The following KCNT2 variants were observed in gnomAD, a reference collection of about 807,000 sequenced individuals.
KCNT2 encodes the protein potassium sodium-activated channel subfamily T member 2.
Under a neutral mutation model 153.8 loss-of-function variants are expected in KCNT2, and 67 were observed. That is an observed-to-expected ratio of 0.44 (90% CI 0.36 to 0.53). The LOEUF (loss-of-function observed/expected upper bound fraction) is 0.53. Ranked by LOEUF, KCNT2 falls within the 20% of genes least tolerant of loss-of-function variation. The probability of loss-of-function intolerance (pLI) is 0.00; values close to 1 mark genes in which losing one functional copy is unlikely to be tolerated. For synonymous variants in KCNT2, 500 were observed against 458.8 expected (o/e 1.09, Z -1.15); for missense variants, 975 against 1,354.8 (o/e 0.72, Z 4.40).
At chr1:196,351,466 A>G (rs910988910) in intron 14 of KCNT2, among the ~76,000 whole-genome samples, 47 of 150,540 alleles carry the variant, frequency 3.1e-4, no homozygotes, top group African/African-American at 1.1e-3. Context: ...CTTTGAAGCA[A>G]TTGTGAATGG....
At chr1:196,419,840 C>A (rs987496063) in intron 12 of KCNT2, among the ~76,000 whole-genome samples, 4 of 151,666 alleles carry the variant, frequency 2.6e-5, no homozygotes, top group Admixed American at 6.6e-5. Context: ...TTTCCTTTGG[C>A]TTCTTCTTTT....
At chr1:196,409,217 C>A (rs1425735429) in intron 12 of KCNT2, among the ~76,000 whole-genome samples, 1 of 151,114 alleles carries the variant, frequency 6.6e-6, no homozygotes, top group Non-Finnish European at 1.5e-5. Context: ...GTATCATTTT[C>A]ATCTTCTTAT....
chr1:196,484,719 G>C (rs573283368), intron 3 of KCNT2, among the ~76,000 whole-genome samples: 1 of 151,968 alleles, frequency 6.6e-6, no homozygotes, highest in Non-Finnish European at 1.5e-5. Flanking sequence ...ATAAGGAAGG[G>C]GTCCAGTTTC....
intron 26 of KCNT2, among the ~76,000 whole-genome samples, chr1:196,238,744 T>C (rs1463279558): frequency 2.6e-5 from 4 of 151,910 alleles, no homozygotes; most frequent in African/African-American, 4.8e-5. Flanking sequence ...GACGAGTTAA[T>C]GGGCGCAGCA....
chr1:196,444,916 T>C (rs1675557380), intron 8 of KCNT2, among the ~76,000 whole-genome samples: 1 of 151,248 alleles, frequency 6.6e-6, no homozygotes, highest in African/African-American at 2.4e-5. Flanking sequence ...CCCATGAAAA[T>C]CACCCAAGTG....
In KCNT2 at chr1:196,295,818, A is replaced by C. The variant is rs1002326373; in HGVS notation, c.2595+9416T>G. On this transcript the variant is annotated intron_variant, in intron 22 of 27. Transcript: ENST00000294725. ...TTAGTTTTAAGTTAGGAAGGCTATAAATTTAAAGATAATATTTAAATATCT... is the reference window on the plus strand; with the variant it reads ...TTAGTTTTAAGTTAGGAAGGCTATACATTTAAAGATAATATTTAAATATCT... 2.0e-5 allele frequency among the ~76,000 whole-genome samples: 3 copies of C among 152,078 alleles called. No individual in the cohort carries two copies. The South Asian group carries it at 6.2e-4, about 31-fold the overall frequency.
At chr1:196,608,131 TCCCTCCTTTCCCCACTTCGG>T in intron 1 of KCNT2, 64 bp downstream of exon 1, 3 of 1,237,612 alleles carry the variant, frequency 2.4e-6, no homozygotes, top group Admixed American at 3.4e-5. Context: ...TTTCCTTTTC[TCCCTCCTTTCCCCACTTCGG>T]CCCTCCCATT....
chr1:196,467,857 G>A (rs1245884997), intron 6 of KCNT2, 71 bp from the exon 7 acceptor site: 2 of 780,284 alleles, frequency 2.6e-6, no homozygotes, highest in Non-Finnish European at 2.0e-6. Context: ...ATACTAAAAA[G>A]AAATGGAAAA....
intron 24 of KCNT2, 83 bp downstream of exon 24, chr1:196,282,190 A>G: frequency 1.6e-6 from 1 of 620,378 alleles, no homozygotes; most frequent in East Asian, 2.8e-5. Flanking sequence ...CACATGACAT[A>G]GAAGAATTAG....
Position 196,340,385 on chromosome 1 carries a change from T to C in KCNT2, c.1739A>G (p.His580Arg), listed in dbSNP as rs774537588. The change falls in exon 16 of 28, where the codon CAT (histidine) becomes CGT (arginine). Residue 580 changes from histidine (H) to arginine (R), a missense_variant. Physicochemically the swap from His to Arg is conservative, Grantham distance 29. Transcript: ENST00000294725. The stretch of plus-strand genomic sequence containing the variant: ...ATGTACAGGTAATCTGGAAGGTCCA[T>C]GATAAAACGACCTGGACACATTGCT... ...RKSNVSRSFY[H>R]GPSRLPVHSI... 13 of 1,612,528 alleles carry C rather than the reference T, an allele frequency of 8.1e-6. No homozygotes were observed. In the Admixed American group the frequency reaches 1.8e-4, roughly 23 times the overall value.
chr1:196,594,731 A>T (rs1339106118), intron 1 of KCNT2, among the ~76,000 whole-genome samples: 1 of 152,112 alleles, frequency 6.6e-6, no homozygotes, highest in Non-Finnish European at 1.5e-5. Flanking sequence ...TCTGGTAATG[A>T]AAAAGGGGGT....
chr1:196,251,387 T>G lies in KCNT2; in HGVS notation c.3211+6807A>C, dbSNP rs140104023. The stretch of plus-strand genomic sequence containing the variant: ...CTTCCAAAGTGTGTTTAGCAGTGTG[T>G]TTTTTGTTTGTTTGCTTGTTTGTTT... On this transcript the variant is annotated intron_variant, in intron 26 of 27. Coordinates refer to ENST00000294725, the MANE Select transcript of KCNT2 (RefSeq NM_198503.5). 3.6e-3 allele frequency among the ~76,000 whole-genome samples: 555 copies of G among 152,202 alleles called. 2 individuals are homozygous for G. The highest frequency in any genetic ancestry group is 0.012 in the African/African-American group (511 of 41,574).
chr1:196,241,570 A>C (rs1331429092), intron 26 of KCNT2, among the ~76,000 whole-genome samples: 1 of 152,120 alleles, frequency 6.6e-6, no homozygotes, highest in Non-Finnish European at 1.5e-5. Flanking sequence ...TTATCATTCA[A>C]AGATTTTTAA....
chr1:196,573,661 G>A (rs190979893), intron 1 of KCNT2, among the ~76,000 whole-genome samples: 3 of 151,874 alleles, frequency 2.0e-5, no homozygotes, highest in African/African-American at 7.2e-5. Flanking sequence ...AGAAAGAGAC[G>A]GAAGGAGGAA....
At chr1:196,245,178 C>G (rs1199642729) in intron 26 of KCNT2, among the ~76,000 whole-genome samples, 1 of 151,978 alleles carries the variant, frequency 6.6e-6, no homozygotes, top group Non-Finnish European at 1.5e-5. Flanking sequence ...CTGCAGTGAC[C>G]AAAAACTTTA....
chr1:196,310,692 A>T (rs1662083781), intron 21 of KCNT2, among the ~76,000 whole-genome samples: 1 of 151,896 alleles, frequency 6.6e-6, no homozygotes, highest in African/African-American at 2.4e-5. Context: ...AAATAAACAA[A>T]ACTTGCCCTT....
intron 18 of KCNT2, among the ~76,000 whole-genome samples, chr1:196,328,839 A>C (rs1018603587): frequency 9.2e-5 from 14 of 152,082 alleles, no homozygotes; most frequent in Admixed American, 6.6e-5. Context: ...ATAAGAAAGA[A>C]TAGAGAACAA....
intron 14 of KCNT2, among the ~76,000 whole-genome samples, chr1:196,351,854 C>G (rs1666734870): frequency 6.6e-6 from 1 of 152,038 alleles, no homozygotes; most frequent in East Asian, 1.9e-4. Context: ...TCATAGATAG[C>G]TCTTATTATT....
chr1:196,326,680 C>G, intron 19 of KCNT2, 37 bp downstream of exon 19: 1 of 1,251,382 alleles, frequency 8.0e-7, no homozygotes, highest in Non-Finnish European at 1.1e-6. Flanking sequence ...CTATTAAAAA[C>G]AGTTTATCTT....
Sources: allele counts gnomAD v4.1 joint callset (sites outside exome capture counted in the v4.1 genomes callset), GRCh38; gene constraint gnomAD v4.1.1; transcripts MANE v1.5; gene names NCBI Gene and HGNC (gene_info 2026-07-23, HGNC 2026-07-21).